The following SH3YL1 variants were observed in gnomAD, a reference collection of about 807,000 sequenced individuals.
SH3YL1 encodes the protein SH3 domain-containing YSC84-like protein 1.
In SH3YL1, 41 loss-of-function variants were observed where a neutral mutation model predicts 45.8. The ratio of observed to expected loss-of-function variants is 0.89; its 90% CI spans 0.70 to 1.16. The LOEUF (loss-of-function observed/expected upper bound fraction) is 1.16, where lower values mean the gene tolerates loss of function less well. Among genes scored for constraint, SH3YL1 ranks in the 50% most tolerant of loss-of-function variants. SH3YL1 has a pLI of 0.00. For missense variants in SH3YL1, 389 were observed against 409.6 expected, an observed-to-expected ratio of 0.95 and a Z score of 0.43; for synonymous variants, 152 against 151.4, an observed-to-expected ratio of 1.00 and a Z score of -0.03.
At chr2:245,866 T>TA (rs1277961618) in intron 4 of SH3YL1, among the ~76,000 whole-genome samples, 3 of 150,612 alleles carry the variant, frequency 2.0e-5, no homozygotes, top group African/African-American at 4.9e-5. Flanking sequence ...TCATCACAAC[T>TA]AAAAAAAAAT....
rs937147800 is a variant in SH3YL1 at position 218,689 on chromosome 2, G to A, written c.*122C>T. 1 of 813,940 alleles carries A rather than the reference G, an allele frequency of 1.2e-6. No homozygotes were observed. Among genetic ancestry groups the A allele is most frequent in the African/African-American group, 1.7e-5 (1 of 57,454 alleles). The allele number at this position is 813,940 out of a possible 1,614,324, so 50.4% of individuals were successfully genotyped here. On this transcript the variant is annotated 3_prime_UTR_variant, in exon 10 of 10. Coordinates refer to ENST00000356150, the MANE Select transcript of SH3YL1 (RefSeq NM_015677.4). The stretch of plus-strand genomic sequence containing the variant: ...AGAAAAACAAAATCTTTTACATACG[G>A]AATGGAAATTTTGTAGAACAGAAGT...
At chr2:227,722 TAATTTATGTTGTGA>T (rs67037992) in intron 8 of SH3YL1, among the ~76,000 whole-genome samples, 45,425 of 151,680 alleles carry the variant, frequency 0.3, 7,401 homozygotes, top group East Asian at 0.59. Flanking sequence ...TGAAAGTTCA[TAATTTATGTTGTGA>T]ACGTGGGTTT....
intron 4 of SH3YL1, chr2:244,736 T>C (rs1558245767): frequency 6.6e-6 from 1 of 152,274 alleles, no homozygotes; most frequent in East Asian, 1.9e-4. Flanking sequence ...GTCTCGTCAG[T>C]CTCTGTGGAC....
intron 9 of SH3YL1, among the ~76,000 whole-genome samples, chr2:220,120 G>C (rs1667508875): frequency 6.6e-6 from 1 of 150,416 alleles, no homozygotes; most frequent in Admixed American, 6.7e-5. Flanking sequence ...TAGGCAACTA[G>C]ATGTACAGAC....
chr2:244,725 T>A (rs1668712901), intron 4 of SH3YL1: 1 of 152,084 alleles, frequency 6.6e-6, no homozygotes, highest in Admixed American at 6.5e-5. Flanking sequence ...CATTCATGGG[T>A]GTCTCGTCAG....
rs1667464576 is a variant in SH3YL1, at chr2:218,924, C to T, written c.916G>A (p.Ala306Thr). ...GATATAACTGTGATTCTGTCTCCAGCTTGAAAATTCAAATCCCCAGGCTGC... is the reference window on the plus strand; with the variant it reads ...GATATAACTGTGATTCTGTCTCCAGTTTGAAAATTCAAATCCCCAGGCTGC... Reference protein sequence around the residue: ...GQQPGDLNFQAGDRITVISKT... With the variant: ...GQQPGDLNFQTGDRITVISKT... The change falls in exon 10 of 10, where the codon GCT (alanine) becomes ACT (threonine). Residue 306 changes from alanine (A) to threonine (T), a missense_variant. Coordinates refer to ENST00000356150, the MANE Select transcript of SH3YL1 (RefSeq NM_015677.4). 6.2e-7 allele frequency: 1 copy of T among 1,613,962 alleles called. No homozygotes were observed. The highest frequency in any genetic ancestry group is 1.3e-5 in the African/African-American group (1 of 74,926).
chr2:259,367 C>T (rs1029029583), intron 1 of SH3YL1: 7 of 152,124 alleles, frequency 4.6e-5, no homozygotes, highest in African/African-American at 1.2e-4. Flanking sequence ...TTAATTTATA[C>T]ATTAAAAATT....
chr2:243,019 T>C (rs1432885371), intron 4 of SH3YL1: 2 of 528,898 alleles, frequency 3.8e-6, no homozygotes, highest in Non-Finnish European at 3.0e-6. Context: ...GAGACCCAAA[T>C]ACATGAATCA....
At chr2:248,689 C>G (rs1381290936) in intron 3 of SH3YL1, among the ~76,000 whole-genome samples, 2 of 152,162 alleles carry the variant, frequency 1.3e-5, no homozygotes, top group Admixed American at 1.3e-4. Context: ...AGTTGGGGAC[C>G]TGAGACATGC....
intron 1 of SH3YL1, among the ~76,000 whole-genome samples, chr2:257,126 TG>T (rs1207552759): frequency 6.6e-6 from 1 of 152,204 alleles, no homozygotes; most frequent in Non-Finnish European, 1.5e-5. Context: ...TTATAGATTC[TG>T]AATATTAGGC....
At chr2:240,394 G>A (rs1382939307) in intron 4 of SH3YL1, 1 of 152,278 alleles carries the variant, frequency 6.6e-6, no homozygotes, top group Non-Finnish European at 1.5e-5. Flanking sequence ...CTCTCCCCAA[G>A]GGAAGTGAAA....
At chr2:241,936 G>C (rs1432294597) in intron 4 of SH3YL1, 3 of 152,072 alleles carry the variant, frequency 2.0e-5, no homozygotes, top group Non-Finnish European at 4.4e-5. Flanking sequence ...GAAAGCAAGT[G>C]ACTCTAGAGA....
chr2:234,614 T>A (rs999533192), intron 4 of SH3YL1, among the ~76,000 whole-genome samples: 2 of 152,154 alleles, frequency 1.3e-5, no homozygotes, highest in African/African-American at 4.8e-5. Flanking sequence ...TGCTAACAAG[T>A]CAAACAAAGG....
intron 4 of SH3YL1, among the ~76,000 whole-genome samples, chr2:245,852 T>A (rs2103042815): frequency 6.6e-6 from 1 of 152,008 alleles, no homozygotes; most frequent in Admixed American, 6.6e-5. Flanking sequence ...AATAAACTAT[T>A]GAATCATCAC....
intron 8 of SH3YL1, among the ~76,000 whole-genome samples, chr2:226,351 A>T (rs758917965): frequency 2.6e-4 from 40 of 152,222 alleles, no homozygotes; most frequent in Non-Finnish European, 5.7e-4. Flanking sequence ...AGAAAGCAAC[A>T]AATATCCCAA....
rs1344784556 is a variant in SH3YL1, at chr2:253,105, A to G, written c.12T>C (p.Pro4=). The G allele has an allele frequency of 1.3e-6, 2 of 1,515,600 alleles. No homozygotes were observed. The highest frequency in any genetic ancestry group is 1.8e-6 in the Non-Finnish European group (2 of 1,119,530). 93.9% of individuals were successfully genotyped at this position (1,515,600 alleles called of 1,614,324 possible). A position where few individuals can be genotyped will look rare whatever the true frequency, so the allele number is the denominator to read the frequency against. The change falls in exon 2 of 10, where the codon CCT becomes CCC. Residue 4 remains proline (P), a synonymous_variant. Transcript: ENST00000356150. Reference sequence around the variant, plus strand: ...CTTCTGATTTCAAATTGGAAGGTATAGGGTTATTCACTGAAACATAACAAA... The same window carrying G: ...CTTCTGATTTCAAATTGGAAGGTATGGGGTTATTCACTGAAACATAACAAA... MNN[P]IPSNLKSEAK...
At chr2:233,472 T>C (rs908796690) in intron 5 of SH3YL1, among the ~76,000 whole-genome samples, 9 of 152,222 alleles carry the variant, frequency 5.9e-5, no homozygotes, top group African/African-American at 1.9e-4. Flanking sequence ...AGAACTGTGT[T>C]GAAAAAGAAT....
At chr2:243,177 C>T (rs1056557673) in intron 4 of SH3YL1, among the ~76,000 whole-genome samples, 6 of 152,096 alleles carry the variant, frequency 3.9e-5, no homozygotes, top group Non-Finnish European at 5.9e-5. Context: ...ACCAACTAGA[C>T]CCAATGGACT....
chr2:229,028 G>A (rs1009238269), intron 8 of SH3YL1, among the ~76,000 whole-genome samples: 6 of 152,210 alleles, frequency 3.9e-5, no homozygotes, highest in Non-Finnish European at 8.8e-5. Context: ...CAAGATCTAC[G>A]TTAAAGTCAC....
Sources: allele counts gnomAD v4.1 joint callset (sites outside exome capture counted in the v4.1 genomes callset), GRCh38; gene constraint gnomAD v4.1.1; transcripts MANE v1.5; gene names NCBI Gene and HGNC (gene_info 2026-07-23, HGNC 2026-07-21).